GLRB: variants seen among roughly 807,000 people sequenced by gnomAD.
The protein encoded by GLRB is glycine receptor subunit beta.
Under a neutral mutation model 54.2 loss-of-function variants are expected in GLRB, and 33 were observed. That is an observed-to-expected ratio of 0.61 (90% CI 0.46 to 0.81). The LOEUF is 0.81. Ranked by LOEUF, GLRB falls within the 40% of genes least tolerant of loss-of-function variation. The pLI, the probability that GLRB is intolerant of heterozygous loss-of-function variation, is 0.00. For missense variants in GLRB, 572 were observed against 584.6 expected (o/e 0.98, Z 0.22); for synonymous variants, 209 against 208.2 (o/e 1.00, Z -0.03).
At chr4:157,104,253 T>C (rs1735141364) in intron 2 of GLRB, among the ~76,000 whole-genome samples, 1 of 152,172 alleles carries the variant, frequency 6.6e-6, no homozygotes, top group Admixed American at 6.5e-5. Context: ...GGGCATTTTT[T>C]AATCATGAAA....
intron 9 of GLRB, among the ~76,000 whole-genome samples, chr4:157,169,551 A>T (rs1025764398): frequency 6.6e-6 from 1 of 152,098 alleles, no homozygotes; most frequent in Admixed American, 6.6e-5. Flanking sequence ...TGGATACAAA[A>T]AGTTGACCCT....
intron 9 of GLRB, among the ~76,000 whole-genome samples, chr4:157,169,880 T>G (rs17035822): frequency 0.028 from 4,218 of 152,224 alleles, 81 homozygotes; most frequent in African/African-American, 0.059. Flanking sequence ...CTATCACTAG[T>G]AAACGTTTGA....
rs150775863 is a variant in GLRB, at chr4:157,139,121, GT to G, written c.751+178del. Among the ~76,000 whole-genome samples, 23,372 of 151,966 alleles carry G rather than the reference GT, an allele frequency of 0.15. 1,992 individuals carry two copies. The highest frequency in any genetic ancestry group is 0.23 in the African/African-American group (9,704 of 41,454). ...CTTTCACAGAATTGTATTCACTAGAGTTTTTTGAACTTTTAATTATTAGATA... is the reference window on the plus strand; with the variant it reads ...CTTTCACAGAATTGTATTCACTAGAGTTTTTGAACTTTTAATTATTAGATA... On this transcript the variant is annotated intron_variant, in intron 7 of 9. Transcript: ENST00000264428.
In GLRB at chr4:157,170,766, C is replaced by T; in HGVS notation, c.*38C>T. ...ATTTGTACAAAATAAAATTCCATTT[C>T]ATTGTGACCTACTCCTTTCATAAAT... On this transcript the variant is annotated 3_prime_UTR_variant, in exon 10 of 10. Coordinates refer to ENST00000264428, the MANE Select transcript of GLRB (RefSeq NM_000824.5). The T allele has an allele frequency of 1.7e-6, 2 of 1,177,894 alleles. No homozygotes were observed. The highest frequency in any genetic ancestry group is 2.4e-6 in the Non-Finnish European group (2 of 841,758). The allele number at this position is 1,177,894 out of a possible 1,614,324, so 73.0% of individuals were successfully genotyped here.
intron 9 of GLRB, among the ~76,000 whole-genome samples, chr4:157,159,173 G>A (rs561608344): frequency 7.9e-5 from 12 of 152,092 alleles, no homozygotes; most frequent in African/African-American, 1.7e-4. Context: ...ATTTTTGCAC[G>A]TAGATTTTGT....
At chr4:157,130,390 T>C (rs1467080309) in intron 4 of GLRB, among the ~76,000 whole-genome samples, 1 of 151,740 alleles carries the variant, frequency 6.6e-6, no homozygotes. Context: ...GATTTTTTTC[T>C]TTTTCAGTCT....
chr4:157,108,705 T>C (rs1425167154), intron 2 of GLRB, among the ~76,000 whole-genome samples: 1 of 152,092 alleles, frequency 6.6e-6, no homozygotes, highest in Non-Finnish European at 1.5e-5. Flanking sequence ...ATTTTGATTA[T>C]TACATGGACT....
intron 8 of GLRB, among the ~76,000 whole-genome samples, chr4:157,145,244 A>G (rs1190444194): frequency 1.3e-5 from 2 of 152,166 alleles, no homozygotes; most frequent in African/African-American, 4.8e-5. Context: ...CTGTGACTTG[A>G]TATCCAGGCT....
intron 9 of GLRB, among the ~76,000 whole-genome samples, chr4:157,169,736 T>C (rs1737847239): frequency 6.6e-6 from 1 of 152,160 alleles, no homozygotes; most frequent in African/African-American, 2.4e-5. Flanking sequence ...ATAGGGAATT[T>C]ATTCAAATTT....
At chr4:157,094,026 C>G (rs1046613328) in intron 2 of GLRB, among the ~76,000 whole-genome samples, 2 of 152,146 alleles carry the variant, frequency 1.3e-5, no homozygotes, top group African/African-American at 4.8e-5. Flanking sequence ...TGTTTGCTCT[C>G]TGTATATGTG....
In GLRB at chr4:157,170,571, A is replaced by T; in HGVS notation, c.1337A>T (p.Asn446Ile). Residue 446 changes from asparagine (N) to isoleucine (I), a missense_variant, in exon 10 of 10, where the codon AAC becomes ATC. Physicochemically the swap from Asn to Ile is moderately radical, Grantham distance 149. Transcript: ENST00000264428. ...DCYGKPIEVN[N>I]GLGKSQAKNN... Reference sequence around the variant, plus strand: ...TATGGAAAACCCATTGAAGTTAACAACGGACTTGGGAAATCTCAGGCTAAG... The same window carrying T: ...TATGGAAAACCCATTGAAGTTAACATCGGACTTGGGAAATCTCAGGCTAAG... The T allele has an allele frequency of 6.2e-7, 1 of 1,613,570 alleles. No homozygotes were observed. Among genetic ancestry groups the T allele is most frequent in the Non-Finnish European group, 8.5e-7 (1 of 1,179,616 alleles).
chr4:157,136,884 G>C lies in GLRB; in HGVS notation c.608G>C (p.Ser203Thr). The C allele has an allele frequency of 6.4e-7, 1 of 1,562,742 alleles. No homozygotes were observed. Residue 203 changes from serine (S) to threonine (T), a missense_variant and splice_region_variant, in exon 6 of 10, where the codon AGC becomes ACC. Physicochemically the swap from Ser to Thr is moderately conservative, Grantham distance 58. Transcript: ENST00000264428. ...DTQRCKMQLE[S>T]FGYTTDDLRF... ...CAACGTTGCAAGATGCAACTGGAGA[G>C]CTGTACGTAAATGAGAACATAATTG...
At chr4:157,128,777 C>T (rs533884657) in intron 4 of GLRB, among the ~76,000 whole-genome samples, 7 of 151,902 alleles carry the variant, frequency 4.6e-5, no homozygotes, top group African/African-American at 1.7e-4. Flanking sequence ...AGAGTTTTTA[C>T]AGGCATTTGG....
intron 7 of GLRB, among the ~76,000 whole-genome samples, chr4:157,142,265 A>T (rs927302962): frequency 1.3e-5 from 2 of 152,136 alleles, no homozygotes; most frequent in Non-Finnish European, 2.9e-5. Context: ...TGTTTTTTAC[A>T]TCCTTTGAAA....
At chr4:157,119,236 T>C (rs958803031) in intron 2 of GLRB, among the ~76,000 whole-genome samples, 8 of 151,644 alleles carry the variant, frequency 5.3e-5, no homozygotes, top group Non-Finnish European at 1.2e-4. Context: ...TATCTGATAA[T>C]AGTGAAAAGT....
intron 8 of GLRB, among the ~76,000 whole-genome samples, chr4:157,146,310 G>T (rs1218879855): frequency 6.6e-6 from 1 of 151,686 alleles, no homozygotes; most frequent in African/African-American, 2.4e-5. Flanking sequence ...CCACTGCACC[G>T]GGCCGATTTT....
At chr4:157,159,028 C>T (rs556374741) in intron 9 of GLRB, among the ~76,000 whole-genome samples, 10 of 152,246 alleles carry the variant, frequency 6.6e-5, no homozygotes, top group African/African-American at 2.2e-4. Context: ...TCGTAGTTCT[C>T]CTTGAAGAGG....
intron 9 of GLRB, among the ~76,000 whole-genome samples, chr4:157,162,458 T>A (rs889972906): frequency 6.6e-6 from 1 of 152,210 alleles, no homozygotes. Context: ...GGTTTCTCCC[T>A]ATCTTTGTGG....
chr4:157,153,020 A>T lies in GLRB; in HGVS notation c.1197+10A>T. 1 of 1,605,816 alleles carries T rather than the reference A, an allele frequency of 6.2e-7. No individual in the cohort carries two copies. Among genetic ancestry groups the T allele is most frequent in the Non-Finnish European group, 8.5e-7 (1 of 1,172,582 alleles). On this transcript the variant is annotated intron_variant, in intron 9 of 9. Transcript: ENST00000264428. ...TATTAGCACTTTGCAGGTAAGGATAAAATTATGCCATGAAATCATTTCCCC... is the reference window on the plus strand; with the variant it reads ...TATTAGCACTTTGCAGGTAAGGATATAATTATGCCATGAAATCATTTCCCC...
Sources: gnomAD v4.1 joint callset for allele counts (sites outside exome capture counted in the v4.1 genomes callset) on GRCh38, gnomAD v4.1.1 for gene constraint, MANE v1.5 for transcripts, NCBI Gene and HGNC (gene_info 2026-07-23, HGNC 2026-07-21) for gene names.